PWWP2B: variants seen among roughly 807,000 people sequenced by gnomAD.
PWWP2B encodes PWWP domain containing 2B.
In PWWP2B, 9 loss-of-function variants were observed where a neutral mutation model predicts 15.5. The observed-to-expected ratio is 0.58, with a 90% confidence interval of 0.35 to 1.02. The LOEUF is 1.02. PWWP2B is among the 50% of genes least tolerant of loss of function. The pLI is 0.02. For missense variants in PWWP2B, 864 were observed against 865.3 expected, an observed-to-expected ratio of 1.00 and a Z score of 0.02; for synonymous variants, 474 against 403.6, an observed-to-expected ratio of 1.17 and a Z score of -2.09.
intron 2 of PWWP2B, among the ~76,000 whole-genome samples, chr10:132,410,571 G>A (rs977278678): frequency 2.0e-5 from 3 of 152,230 alleles, no homozygotes; most frequent in African/African-American, 7.2e-5. Flanking sequence ...CAGGGGAGGG[G>A]GGCGTGCCCA....
At chr10:132,398,390 G>C (rs2069566413) in intron 1 of PWWP2B, among the ~76,000 whole-genome samples, 1 of 152,250 alleles carries the variant, frequency 6.6e-6, no homozygotes, top group African/African-American at 2.4e-5. Flanking sequence ...GCACGGGCAG[G>C]ATGGAGGGAC....
rs773988369 is a variant in PWWP2B, at chr10:132,417,245, G to A, written c.*201G>A. On this transcript the variant is annotated 3_prime_UTR_variant, in exon 3 of 3. Coordinates refer to ENST00000305233, the MANE Select transcript of PWWP2B (RefSeq NM_138499.4). ...GGCCCTGAGCCCAGCGGCTCCTCCCGCTGAGTGTATTTCTTCCCACCACTC... is the reference window on the plus strand; with the variant it reads ...GGCCCTGAGCCCAGCGGCTCCTCCCACTGAGTGTATTTCTTCCCACCACTC... 5 of 714,926 alleles carry A rather than the reference G, an allele frequency of 7.0e-6. No homozygotes were observed. Among genetic ancestry groups the A allele is most frequent in the East Asian group, 5.1e-5 (2 of 38,914 alleles). The allele number at this position is 714,926 out of a possible 1,614,324, so 44.3% of individuals were successfully genotyped here. A position where few individuals can be genotyped will look rare whatever the true frequency, so the allele number is the denominator to read the frequency against.
chr10:132,406,270 G>A lies in PWWP2B; in HGVS notation c.1770G>A (p.Thr590=), dbSNP rs140174632. 4.8e-4 allele frequency: 773 copies of A among 1,606,418 alleles called. No homozygotes were observed. Among genetic ancestry groups the A allele is most frequent in the Non-Finnish European group, 6.3e-4 (743 of 1,175,318 alleles). ...GGGAGCTCTTAACCCAGTTTGAAAC[G>A]TAACTGGTTCCCTGACCAGGTGAGT... The part of the protein sequence containing the change: ...EIRELLTQFE[T] Residue 590 remains threonine, a synonymous_variant, in exon 2 of 3, where the codon ACG becomes ACA. Transcript: ENST00000305233.
chr10:132,401,692 C>T (rs919025475), intron 1 of PWWP2B, among the ~76,000 whole-genome samples: 1 of 152,262 alleles, frequency 6.6e-6, no homozygotes. Context: ...AGCGCCGTCC[C>T]CGTGCCTGGA....
intron 2 of PWWP2B, among the ~76,000 whole-genome samples, chr10:132,415,987 G>T (rs898805588): frequency 6.6e-6 from 1 of 152,208 alleles, no homozygotes; most frequent in African/African-American, 2.4e-5. Context: ...CACGGCACAC[G>T]CCTGCAGGTG....
intron 1 of PWWP2B, among the ~76,000 whole-genome samples, chr10:132,403,911 G>C (rs1393325138): frequency 7.6e-6 from 1 of 131,910 alleles, no homozygotes; most frequent in Non-Finnish European, 1.7e-5. Context: ...AAAGCATCTG[G>C]GCCATCTCCA....
At chr10:132,403,145 G>A (rs1287996450) in intron 1 of PWWP2B, among the ~76,000 whole-genome samples, 1 of 152,246 alleles carries the variant, frequency 6.6e-6, no homozygotes, top group African/African-American at 2.4e-5. Flanking sequence ...GCCCGTGGCT[G>A]CAGGCCCCAC....
At chr10:132,411,594 A>G (rs1375411304) in intron 2 of PWWP2B, among the ~76,000 whole-genome samples, 1 of 152,246 alleles carries the variant, frequency 6.6e-6, no homozygotes, top group African/African-American at 2.4e-5. Context: ...CGCTGTGCAC[A>G]GGCCATGGGG....
rs1459518051 is a variant in PWWP2B, at chr10:132,405,223, G to A, written c.723G>A (p.Arg241=). Residue 241 remains arginine (R), a synonymous_variant, in exon 2 of 3, where the codon AGG becomes AGA. Coordinates refer to ENST00000305233, the MANE Select transcript of PWWP2B (RefSeq NM_138499.4). ...RSKRERREED[R]APAEQVPRSP... is the part of the protein sequence containing the mutation. ...AGAGGGAGAGGCGCGAGGAGGACAGGGCCCCGGCAGAGCAGGTCCCGCGGA... is the reference window on the plus strand; with the variant it reads ...AGAGGGAGAGGCGCGAGGAGGACAGAGCCCCGGCAGAGCAGGTCCCGCGGA... 1.9e-6 allele frequency: 3 copies of A among 1,599,936 alleles called. No individual in the cohort carries two copies. The highest frequency in any genetic ancestry group is 1.9e-4 in the Middle Eastern group (1 of 5,400).
intron 2 of PWWP2B, among the ~76,000 whole-genome samples, chr10:132,407,861 G>A (rs1443619455): frequency 2.0e-5 from 3 of 152,196 alleles, no homozygotes; most frequent in African/African-American, 7.2e-5. Context: ...GGTAGGAGGA[G>A]GGTCAGAGGA....
chr10:132,406,587 A>G lies in PWWP2B; in HGVS notation c.*16+298A>G, dbSNP rs116060942. Among the ~76,000 whole-genome samples the G allele has an allele frequency of 9.2e-3, 1,400 of 152,318 alleles. 23 individuals are homozygous for G. The highest frequency in any genetic ancestry group is 0.032 in the African/African-American group (1,333 of 41,568). ...TTCAAAGGCCGGAAGGGAGCTTCTC[A>G]TGCTCTCAGTCGTTGTTTGGAGTCA... On this transcript the variant is annotated intron_variant, in intron 2 of 2. Transcript: ENST00000305233.
intron 2 of PWWP2B, among the ~76,000 whole-genome samples, chr10:132,407,331 G>A (rs1455562149): frequency 6.6e-6 from 1 of 152,184 alleles, no homozygotes; most frequent in Non-Finnish European, 1.5e-5. Context: ...ACCACCCCAT[G>A]GATGCAGAGA....
At chr10:132,401,959 A>G (rs2069621269) in intron 1 of PWWP2B, among the ~76,000 whole-genome samples, 1 of 151,950 alleles carries the variant, frequency 6.6e-6, no homozygotes, top group Non-Finnish European at 1.5e-5. Flanking sequence ...CTGTTTACCC[A>G]CCAGTGCGCT....
Position 132,417,383 on chromosome 10 carries a change from G to A in PWWP2B, c.*339G>A. 1 of 457,250 alleles carries A rather than the reference G, an allele frequency of 2.2e-6. No individual in the cohort carries two copies. Among genetic ancestry groups the A allele is most frequent in the Non-Finnish European group, 3.9e-6 (1 of 254,364 alleles). 28.3% of individuals were successfully genotyped at this position (457,250 alleles called of 1,614,324 possible). Reference sequence around the variant, plus strand: ...TGGAGGAACTGGGCCTGCCGCCCCGGCCTCACCTGCTGCCCGCATGCTGGG... The same window carrying A: ...TGGAGGAACTGGGCCTGCCGCCCCGACCTCACCTGCTGCCCGCATGCTGGG... On this transcript the variant is annotated 3_prime_UTR_variant, in exon 3 of 3. Coordinates refer to ENST00000305233, the MANE Select transcript of PWWP2B (RefSeq NM_138499.4).
Position 132,403,092 on chromosome 10 carries a change from A to G in PWWP2B, c.126-1534A>G, listed in dbSNP as rs375698137. On this transcript the variant is annotated intron_variant, in intron 1 of 2. Transcript: ENST00000305233. Reference sequence around the variant, plus strand: ...CAGGGCTCAGTGAGACCATTTGCACAGGGGGCCCAGCCCGCACTCCAGAGA... The same window carrying G: ...CAGGGCTCAGTGAGACCATTTGCACGGGGGGCCCAGCCCGCACTCCAGAGA... 1.3e-4 allele frequency among the ~76,000 whole-genome samples: 20 copies of G among 152,356 alleles called. No homozygotes were observed. The South Asian group carries it at 2.3e-3, about 17-fold the overall frequency.
intron 2 of PWWP2B, among the ~76,000 whole-genome samples, chr10:132,415,564 CACAT>C (rs1219858467): frequency 4.4e-5 from 6 of 136,072 alleles, no homozygotes; most frequent in African/African-American, 1.2e-4. Context: ...CACACAAACA[CACAT>C]ACACACACAT....
chr10:132,412,380 T>C lies in PWWP2B; in HGVS notation c.*17-4681T>C, dbSNP rs1185375799. 4.1e-4 allele frequency among the ~76,000 whole-genome samples: 62 copies of C among 152,226 alleles called. 1 individual carries two copies. The highest frequency in any genetic ancestry group is 4.1e-3 in the Admixed American group (62 of 15,288). On this transcript the variant is annotated intron_variant, in intron 2 of 2. Coordinates refer to ENST00000305233, the MANE Select transcript of PWWP2B (RefSeq NM_138499.4). ...CTGACCCCACCGGGCTTCAATGCCC[T>C]GGACAGGGCATGTGCCCCATGTCAG...
chr10:132,397,291 T>G lies in PWWP2B; in HGVS notation c.65T>G (p.Val22Gly). 7.0e-7 allele frequency: 1 copy of G among 1,422,646 alleles called. No individual in the cohort carries two copies. Among genetic ancestry groups the G allele is most frequent in the Non-Finnish European group, 9.3e-7 (1 of 1,078,074 alleles). 88.1% of individuals were successfully genotyped at this position (1,422,646 alleles called of 1,614,324 possible). ...RVEQVVNGALVVTVSCGERSF... is the reference protein window; with the variant it reads ...RVEQVVNGALGVTVSCGERSF... ...GAGCAGGTCGTCAACGGCGCGCTGG[T>G]GGTCACGGTGAGCTGCGGCGAGCGG... is the stretch of plus-strand genomic sequence containing the variant. The change falls in exon 1 of 3, where the codon GTG becomes GGG. Residue 22 changes from valine (V) to glycine (G), a missense_variant. By Grantham distance (109) the Val-to-Gly change is moderately radical. This residue lies in a region of PWWP2B where 736 missense variants were observed against 687.7 expected (regional missense o/e 1.07). Transcript: ENST00000305233.
chr10:132,409,628 A>AC (rs1564876603), intron 2 of PWWP2B, among the ~76,000 whole-genome samples: 1 of 143,704 alleles, frequency 7.0e-6, no homozygotes, highest in Non-Finnish European at 1.5e-5. Context: ...TCTCTCCCTC[A>AC]CCACCCACCC....
Sources: allele counts gnomAD v4.1 joint callset (sites outside exome capture counted in the v4.1 genomes callset), GRCh38; gene constraint gnomAD v4.1.1; regional missense constraint gnomAD v4.1.1; transcripts MANE v1.5; gene names NCBI Gene and HGNC (gene_info 2026-07-23, HGNC 2026-07-21).